PCDHA2: variants seen among roughly 807,000 people sequenced by gnomAD.
PCDHA2 encodes the protein protocadherin alpha-2.
A neutral mutation model predicts 66.0 loss-of-function variants in PCDHA2; 58 were observed. The ratio of observed to expected loss-of-function variants is 0.88; its 90% confidence interval spans 0.71 to 1.09. The LOEUF is 1.09. Among genes scored for constraint, PCDHA2 ranks in the 50% least tolerant of loss-of-function variants. The pLI is 0.00. For synonymous variants in PCDHA2, 634 were observed against 554.0 expected, an observed-to-expected ratio of 1.14 and a Z score of -2.03; for missense variants, 1,267 against 1,242.3, an observed-to-expected ratio of 1.02 and a Z score of -0.30.
At chr5:140,870,929 A>C in intron 1 of PCDHA2, 3 of 1,613,868 alleles carry the variant, frequency 1.9e-6, no homozygotes, top group Non-Finnish European at 2.5e-6. Context: ...CTTTCATATG[A>C]ATTGCAGCCG....
At chr5:140,934,988 C>A (rs901740982) in intron 1 of PCDHA2, among the ~76,000 whole-genome samples, 5 of 152,154 alleles carry the variant, frequency 3.3e-5, no homozygotes, top group Non-Finnish European at 7.4e-5. Context: ...AGTGATAACA[C>A]CCTGAATCCT....
chr5:140,821,334 T>C (rs1440362133), intron 1 of PCDHA2, among the ~76,000 whole-genome samples: 1 of 152,214 alleles, frequency 6.6e-6, no homozygotes, highest in African/African-American at 2.4e-5. Flanking sequence ...CTAGTAAGGA[T>C]TGGGGTTTCA....
At chr5:140,877,821 T>A in intron 1 of PCDHA2, 1 of 1,603,344 alleles carries the variant, frequency 6.2e-7, no homozygotes, top group East Asian at 2.2e-5. Flanking sequence ...GAGAAGATTG[T>A]TTAAATCCTC....
intron 1 of PCDHA2, chr5:140,967,835 G>T: frequency 6.2e-7 from 1 of 1,614,142 alleles, no homozygotes; most frequent in Non-Finnish European, 8.5e-7. Flanking sequence ...GGACATCGTG[G>T]ACGTGAATGA....
chr5:140,947,760 A>G (rs1332466215), intron 1 of PCDHA2, among the ~76,000 whole-genome samples: 1 of 151,618 alleles, frequency 6.6e-6, no homozygotes, highest in Admixed American at 6.6e-5. Context: ...TTATGGTTTA[A>G]AAAATTCTAT....
At chr5:140,916,628 C>T (rs1311862991) in intron 1 of PCDHA2, among the ~76,000 whole-genome samples, 1 of 152,188 alleles carries the variant, frequency 6.6e-6, no homozygotes, top group Non-Finnish European at 1.5e-5. Context: ...ACTCAATGCC[C>T]TATCCTACTG....
chr5:140,850,743 T>C, intron 1 of PCDHA2: 1 of 1,597,890 alleles, frequency 6.3e-7, no homozygotes, highest in Non-Finnish European at 8.6e-7. Context: ...GAGTTGGTCG[T>C]ACTCGCAGCA....
intron 1 of PCDHA2, chr5:140,966,328 CG>C: frequency 2.5e-6 from 1 of 392,484 alleles, no homozygotes; most frequent in Non-Finnish European, 4.5e-6. Flanking sequence ...CGCTGGGATC[CG>C]GCAGGTCCAG....
chr5:140,843,036 G>A (rs2150350746), intron 1 of PCDHA2: 3 of 1,595,194 alleles, frequency 1.9e-6, no homozygotes, highest in Middle Eastern at 1.7e-4. Context: ...CGGGTGGGTG[G>A]CACTGGTGGC....
intron 1 of PCDHA2, chr5:140,928,865 A>G: frequency 6.2e-7 from 1 of 1,614,072 alleles, no homozygotes; most frequent in Non-Finnish European, 8.5e-7. Flanking sequence ...CTGTTGAGCA[A>G]CTCTGTCCCT....
intron 1 of PCDHA2, chr5:140,869,853 C>T: frequency 1.2e-6 from 2 of 1,610,606 alleles, no homozygotes; most frequent in South Asian, 2.2e-5. Flanking sequence ...ATAAGGTGAG[C>T]CTTATGGAAA....
chr5:140,802,209 C>T lies in PCDHA2; in HGVS notation c.2388+4857C>T, dbSNP rs782580003. On this transcript the variant is annotated intron_variant, in intron 1 of 3. Transcript: ENST00000526136. The stretch of plus-strand genomic sequence containing the variant: ...AATGTCAGATCACTGCACAGTTCTA[C>T]TCGAAATTGTGGACATCAATGATAA... 2.5e-6 allele frequency: 4 copies of T among 1,614,192 alleles called. No homozygotes were observed. The South Asian group carries it at 4.4e-5, about 18-fold the overall frequency.
chr5:140,875,987 T>C, intron 1 of PCDHA2: 1 of 1,614,032 alleles, frequency 6.2e-7, no homozygotes, highest in Non-Finnish European at 8.5e-7. Flanking sequence ...ACCTATGCGT[T>C]AAGTCTAAAT....
intron 1 of PCDHA2, among the ~76,000 whole-genome samples, chr5:140,921,330 C>T (rs1285696901): frequency 6.6e-6 from 1 of 152,026 alleles, no homozygotes; most frequent in Non-Finnish European, 1.5e-5. Flanking sequence ...TCTGTCTGGT[C>T]CAATCACATA....
At chr5:140,900,776 G>A (rs1407126944) in intron 1 of PCDHA2, among the ~76,000 whole-genome samples, 1 of 152,172 alleles carries the variant, frequency 6.6e-6, no homozygotes, top group Non-Finnish European at 1.5e-5. Flanking sequence ...GCTTTTTGAG[G>A]AAACTCCAAA....
At chr5:140,843,320 G>C in intron 1 of PCDHA2, 2 of 1,596,056 alleles carry the variant, frequency 1.3e-6, no homozygotes, top group Non-Finnish European at 1.7e-6. Context: ...CACGGTTCTG[G>C]TGTCGCTGGT....
chr5:140,865,396 A>G (rs1280770279), intron 1 of PCDHA2: 1 of 152,234 alleles, frequency 6.6e-6, no homozygotes, highest in Non-Finnish European at 1.5e-5. Context: ...GTTAATATAA[A>G]TGCTGAAAAG....
intron 1 of PCDHA2, among the ~76,000 whole-genome samples, chr5:140,959,240 G>A (rs1554223957): frequency 1.3e-5 from 2 of 152,074 alleles, no homozygotes; most frequent in African/African-American, 4.8e-5. Flanking sequence ...ATCTGGGCAT[G>A]ATAGTGCATG....
At chr5:140,979,386 A>C (rs1374804536) in intron 2 of PCDHA2, among the ~76,000 whole-genome samples, 1 of 152,142 alleles carries the variant, frequency 6.6e-6, no homozygotes, top group East Asian at 1.9e-4. Flanking sequence ...TGTGCAATGT[A>C]TACATACATG....
Sources: gnomAD v4.1 joint callset for allele counts (sites outside exome capture counted in the v4.1 genomes callset) on GRCh38, gnomAD v4.1.1 for gene constraint, MANE v1.5 for transcripts, NCBI Gene and HGNC (gene_info 2026-07-23, HGNC 2026-07-21) for gene names.